The following MAP3K20 variants were observed in gnomAD, a reference collection of about 807,000 sequenced individuals.
The protein encoded by MAP3K20 is mitogen-activated protein kinase kinase kinase 20, also known as HCCS-4.
In MAP3K20, 40 loss-of-function variants were observed where a neutral mutation model predicts 85.7. That is an observed-to-expected ratio of 0.47 (90% confidence interval 0.36 to 0.61). The LOEUF (loss-of-function observed/expected upper bound fraction) is 0.61. Ranked by LOEUF, MAP3K20 falls within the 20% of genes least tolerant of loss-of-function variation. The pLI is 0.00. For synonymous variants in MAP3K20, 325 were observed against 327.7 expected (o/e 0.99, Z 0.09); for missense variants, 817 against 961.7 (o/e 0.85, Z 1.99).
chr2:173,173,432 G>A (rs1282355681), intron 3 of MAP3K20, among the ~76,000 whole-genome samples: 1 of 152,120 alleles, frequency 6.6e-6, no homozygotes, highest in African/African-American at 2.4e-5. Context: ...CTCAGGGGCT[G>A]ATCTCTTAAG....
chr2:173,192,322 G>A (rs1028443782), intron 7 of MAP3K20, among the ~76,000 whole-genome samples: 1 of 151,984 alleles, frequency 6.6e-6, no homozygotes, highest in Non-Finnish European at 1.5e-5. Flanking sequence ...TGGCTTCACA[G>A]GTTTTGGACT....
At chr2:173,202,929 T>G (rs62175824) in intron 8 of MAP3K20, among the ~76,000 whole-genome samples, 26,181 of 152,238 alleles carry the variant, frequency 0.17, 2,517 homozygotes, top group South Asian at 0.34. Context: ...GAATACTTTG[T>G]GTTTATTTGT....
intron 2 of MAP3K20, among the ~76,000 whole-genome samples, chr2:173,156,875 T>C (rs1689489931): frequency 6.6e-6 from 1 of 152,212 alleles, no homozygotes; most frequent in Admixed American, 6.5e-5. Context: ...GGTAACCCTT[T>C]GATTAGGCCA....
chr2:173,243,082 T>C (rs1022360856), intron 16 of MAP3K20, among the ~76,000 whole-genome samples: 1 of 152,218 alleles, frequency 6.6e-6, no homozygotes, highest in Non-Finnish European at 1.5e-5. Flanking sequence ...AGGTAGATGC[T>C]AGATTTTGAT....
At chr2:173,149,547 G>A (rs1293763657) in intron 2 of MAP3K20, among the ~76,000 whole-genome samples, 2 of 151,598 alleles carry the variant, frequency 1.3e-5, no homozygotes, top group African/African-American at 2.4e-5. Context: ...GTCAATGCAA[G>A]TCTCATTATC....
At chr2:173,185,856 CCACT>C (rs1049209783) in intron 4 of MAP3K20, among the ~76,000 whole-genome samples, 2 of 152,130 alleles carry the variant, frequency 1.3e-5, no homozygotes, top group Non-Finnish European at 2.9e-5. Flanking sequence ...AAAATGGTCA[CCACT>C]CATTCCAGTT....
At chr2:173,161,463 C>T (rs1689656043) in intron 2 of MAP3K20, among the ~76,000 whole-genome samples, 2 of 152,326 alleles carry the variant, frequency 1.3e-5, no homozygotes, top group South Asian at 4.1e-4. Context: ...CTAACATAGG[C>T]TCTCCATAAT....
chr2:173,107,649 T>A (rs1687820446), intron 2 of MAP3K20, among the ~76,000 whole-genome samples: 1 of 152,242 alleles, frequency 6.6e-6, no homozygotes, highest in African/African-American at 2.4e-5. Context: ...AGCCTGGGCT[T>A]TAGCGTCAGA....
intron 11 of MAP3K20, chr2:173,223,909 G>A (rs780846281): frequency 1.0e-4 from 99 of 985,346 alleles, no homozygotes; most frequent in Non-Finnish European, 1.2e-4. Flanking sequence ...GCCCTGGGGT[G>A]CAGTGGTCAG....
At position 173,095,791 on chromosome 2, in the gene MAP3K20, T is replaced by C. The variant is rs573725883; in HGVS notation, c.159+4601T>C. On this transcript the variant is annotated intron_variant, in intron 2 of 19. Coordinates refer to ENST00000375213, the MANE Select transcript of MAP3K20 (RefSeq NM_016653.3). ...ATTTAGAAAGCAAGGAAAATGCTCATTGTATAGTGCTAAGTGGTGAAAGGA... is the reference window on the plus strand; with the variant it reads ...ATTTAGAAAGCAAGGAAAATGCTCACTGTATAGTGCTAAGTGGTGAAAGGA... 2.3e-4 allele frequency among the ~76,000 whole-genome samples: 35 copies of C among 152,324 alleles called. No individual in the cohort carries two copies. In the East Asian group the frequency reaches 6.6e-3, roughly 29 times the overall value.
At chr2:173,105,008 G>C (rs1442908784) in intron 2 of MAP3K20, among the ~76,000 whole-genome samples, 1 of 152,210 alleles carries the variant, frequency 6.6e-6, no homozygotes, top group East Asian at 1.9e-4. Context: ...GGTTGGGCCA[G>C]AGAGGCAATG....
intron 2 of MAP3K20, among the ~76,000 whole-genome samples, chr2:173,093,662 A>G (rs146031545): frequency 1.3e-5 from 2 of 152,296 alleles, no homozygotes; most frequent in East Asian, 1.9e-4. Flanking sequence ...AGGACTATAA[A>G]TCATGCTGCT....
At chr2:173,089,614 G>T (rs755925119) in intron 1 of MAP3K20, among the ~76,000 whole-genome samples, 1 of 150,310 alleles carries the variant, frequency 6.7e-6, no homozygotes, top group South Asian at 2.1e-4. Flanking sequence ...ATGGAGTCTC[G>T]CTCTGTTGCC....
intron 2 of MAP3K20, among the ~76,000 whole-genome samples, chr2:173,131,392 G>C (rs1428980740): frequency 6.6e-6 from 1 of 152,194 alleles, no homozygotes; most frequent in Non-Finnish European, 1.5e-5. Flanking sequence ...GATGGAGATA[G>C]GGAAAGAGTT....
Position 173,132,923 on chromosome 2 carries a change from G to A in MAP3K20, c.160-36882G>A, listed in dbSNP as rs538357580. On this transcript the variant is annotated intron_variant, in intron 2 of 19. Transcript: ENST00000375213. ...TAAATGTTAGAAATGTATCCTGAGC[G>A]TTTCTCTTTTCCACTTCCATGCCCT... Among the ~76,000 whole-genome samples the A allele has an allele frequency of 5.3e-5, 8 of 152,242 alleles. No homozygotes were observed. In the South Asian group the frequency reaches 1.5e-3, roughly 28 times the overall value.
At chr2:173,099,393 C>T (rs1260874490) in intron 2 of MAP3K20, among the ~76,000 whole-genome samples, 5 of 149,640 alleles carry the variant, frequency 3.3e-5, no homozygotes, top group African/African-American at 7.4e-5. Flanking sequence ...ATAGCGAGCT[C>T]ACTCTAGCCT....
At chr2:173,177,443 ATTT>A (rs71403359) in intron 3 of MAP3K20, among the ~76,000 whole-genome samples, 2 of 126,606 alleles carry the variant, frequency 1.6e-5, no homozygotes, top group Non-Finnish European at 3.2e-5. Context: ...ATCACAATAG[ATTT>A]TTTTTTTTTT....
intron 11 of MAP3K20, chr2:173,222,703 G>A: frequency 1.0e-6 from 1 of 985,326 alleles, no homozygotes; most frequent in African/African-American, 1.7e-5. Flanking sequence ...CCTCACTTAG[G>A]CAAAAGCACA....
chr2:173,148,548 A>G (rs924561680), intron 2 of MAP3K20, among the ~76,000 whole-genome samples: 2 of 152,160 alleles, frequency 1.3e-5, no homozygotes, highest in African/African-American at 4.8e-5. Context: ...ACCTTCATAA[A>G]CACCTTGCTA....
Sources: gnomAD v4.1 joint callset for allele counts (sites outside exome capture counted in the v4.1 genomes callset) on GRCh38, gnomAD v4.1.1 for gene constraint, MANE v1.5 for transcripts, NCBI Gene and HGNC (gene_info 2026-07-23, HGNC 2026-07-21) for gene names.